Variants in SCARB1 observed in about 807,000 individuals in gnomAD.
SCARB1 encodes CD36 and LIMPII analogous 1.
In SCARB1, 30 loss-of-function variants were observed where a neutral mutation model predicts 57.2. The ratio of observed to expected loss-of-function variants is 0.52; its 90% CI spans 0.39 to 0.71. The LOEUF (loss-of-function observed/expected upper bound fraction) is 0.71, where lower values mean the gene tolerates loss of function less well. Among genes scored for constraint, SCARB1 ranks in the 30% least tolerant of loss-of-function variants. The pLI is 0.00. For missense variants in SCARB1, 543 were observed against 671.2 expected (o/e 0.81, Z 2.11); for synonymous variants, 249 against 268.3 (o/e 0.93, Z 0.70).
At chr12:124,831,386 G>A (rs1419295882) in intron 1 of SCARB1, among the ~76,000 whole-genome samples, 1 of 152,136 alleles carries the variant, frequency 6.6e-6, no homozygotes, top group Non-Finnish European at 1.5e-5. Flanking sequence ...CAAAGTGCTG[G>A]GATTACAGAC....
intron 1 of SCARB1, among the ~76,000 whole-genome samples, chr12:124,826,291 A>G (rs1255596881): frequency 1.4e-5 from 2 of 147,126 alleles, no homozygotes; most frequent in Non-Finnish European, 3.0e-5. Context: ...TGATCACCCC[A>G]CTGCACTCTA....
chr12:124,803,531 C>G (rs1950208635), intron 7 of SCARB1, among the ~76,000 whole-genome samples: 1 of 152,022 alleles, frequency 6.6e-6, no homozygotes, highest in Non-Finnish European at 1.5e-5. Context: ...GATGGCACCA[C>G]TGCACTCCAG....
At chr12:124,860,985 T>C (rs1334023707) in intron 1 of SCARB1, among the ~76,000 whole-genome samples, 1 of 152,180 alleles carries the variant, frequency 6.6e-6, no homozygotes, top group East Asian at 1.9e-4. Context: ...AGGCTCCTGG[T>C]ACACAGAAAA....
At position 124,820,159 on chromosome 12, in the gene SCARB1, C is replaced by T. The variant is rs572993838; in HGVS notation, c.127-2452G>A. ...AGCAGCCCATAGGTGCAAACGAAGG[C>T]GCATAAACTGAATATTAATGAGGTA... On this transcript the variant is annotated intron_variant, in intron 1 of 12. Coordinates refer to ENST00000261693, the MANE Select transcript of SCARB1 (RefSeq NM_005505.5). Among the ~76,000 whole-genome samples, 8 of 152,204 alleles carry T rather than the reference C, an allele frequency of 5.3e-5. No homozygotes were observed. In the South Asian group the frequency reaches 1.0e-3, roughly 20 times the overall value.
chr12:124,842,340 G>A (rs994172416), intron 1 of SCARB1, among the ~76,000 whole-genome samples: 1 of 152,196 alleles, frequency 6.6e-6, no homozygotes, highest in Non-Finnish European at 1.5e-5. Flanking sequence ...GAAAGCCCCA[G>A]GAAAGCTGGA....
At chr12:124,802,841 A>G (rs990840889) in intron 7 of SCARB1, among the ~76,000 whole-genome samples, 1 of 152,170 alleles carries the variant, frequency 6.6e-6, no homozygotes, top group Non-Finnish European at 1.5e-5. Context: ...AGTCCAACAG[A>G]TTTCAAGGCC....
chr12:124,854,745 G>A (rs1952563402), intron 1 of SCARB1, among the ~76,000 whole-genome samples: 3 of 152,134 alleles, frequency 2.0e-5, no homozygotes, highest in Non-Finnish European at 4.4e-5. Context: ...ACTGGAAGAT[G>A]GGGGGGCTAT....
Position 124,814,906 on chromosome 12 carries a change from C to A in SCARB1, c.426+67G>T, listed in dbSNP as rs1950645509. Reference sequence around the variant, plus strand: ...CAGGGACTGCTCTCTGCACAAGGGGCAGGCGGGAGGAGAGACAGGGGACGA... The same window carrying A: ...CAGGGACTGCTCTCTGCACAAGGGGAAGGCGGGAGGAGAGACAGGGGACGA... On this transcript the variant is annotated intron_variant, in intron 3 of 12. Coordinates refer to ENST00000261693, the MANE Select transcript of SCARB1 (RefSeq NM_005505.5). The surrounding 1 kb of genome is among the most constrained non-coding windows in gnomAD (Gnocchi z 4.7). 8 of 1,601,834 alleles carry A rather than the reference C, an allele frequency of 5.0e-6. No homozygotes were observed. In the South Asian group the frequency reaches 8.9e-5, roughly 18 times the overall value.
In SCARB1 at chr12:124,807,260, T is replaced by C. The variant is rs77686401; in HGVS notation, c.1009+501A>G. Among the ~76,000 whole-genome samples, 1,470 of 152,082 alleles carry C rather than the reference T, an allele frequency of 9.7e-3. 18 individuals carry two copies. Among genetic ancestry groups the C allele is most frequent in the South Asian group, 0.049 (234 of 4,816 alleles). ...TCCTGGGGTATCCAGGAGAGCACGA[T>C]GTGGTCTTAAGGGTCCTTAGAACTG... On this transcript the variant is annotated intron_variant, in intron 7 of 12. Coordinates refer to ENST00000261693, the MANE Select transcript of SCARB1 (RefSeq NM_005505.5). The surrounding 1 kb of genome is among the most constrained non-coding windows in gnomAD (Gnocchi z 5.3).
At chr12:124,842,153 G>T (rs1189669838) in intron 1 of SCARB1, among the ~76,000 whole-genome samples, 1 of 152,208 alleles carries the variant, frequency 6.6e-6, no homozygotes, top group Non-Finnish European at 1.5e-5. Flanking sequence ...TTGTAAATGT[G>T]CCCAAACAGC....
Position 124,828,195 on chromosome 12 carries a change from T to G in SCARB1, c.127-10488A>C, listed in dbSNP as rs117980580. Among the ~76,000 whole-genome samples, 115 of 152,064 alleles carry G rather than the reference T, an allele frequency of 7.6e-4. 1 individual carries two copies. In the East Asian group the frequency reaches 0.021, roughly 28 times the overall value. On this transcript the variant is annotated intron_variant, in intron 1 of 12. Transcript: ENST00000261693. ...GGGCAACAACTCGGTAAATGTGTGA[T>G]GGATGAGATGAAGATTTCATAGACA...
At position 124,804,177 on chromosome 12, in the gene SCARB1, T is replaced by C. The variant is rs188358323; in HGVS notation, c.1009+3584A>G. Among the ~76,000 whole-genome samples, 11 of 152,290 alleles carry C rather than the reference T, an allele frequency of 7.2e-5. No individual in the cohort carries two copies. In the East Asian group the frequency reaches 2.1e-3, roughly 29 times the overall value. Reference sequence around the variant, plus strand: ...GCATAGTCCACCTCGGCTACTGTGATTGGTTTACAGCTGGGCATGGGAGCC... The same window carrying C: ...GCATAGTCCACCTCGGCTACTGTGACTGGTTTACAGCTGGGCATGGGAGCC... On this transcript the variant is annotated intron_variant, in intron 7 of 12. Transcript: ENST00000261693.
chr12:124,841,121 C>G (rs1951889448), intron 1 of SCARB1, among the ~76,000 whole-genome samples: 1 of 152,210 alleles, frequency 6.6e-6, no homozygotes, highest in African/African-American at 2.4e-5. Flanking sequence ...CCTGTAATCC[C>G]AGCACTTTGG....
chr12:124,827,379 T>C (rs922931616), intron 1 of SCARB1, among the ~76,000 whole-genome samples: 9 of 152,054 alleles, frequency 5.9e-5, no homozygotes, highest in Admixed American at 3.9e-4. Context: ...GTCTGGAATT[T>C]ACAGATAACA....
rs902350054 is a variant in SCARB1, at chr12:124,810,535, T to A, written c.727-246A>T. Among the ~76,000 whole-genome samples the A allele has an allele frequency of 1.3e-5, 2 of 152,148 alleles. No homozygotes were observed. Among genetic ancestry groups the A allele is most frequent in the Non-Finnish European group, 2.9e-5 (2 of 68,034 alleles). On this transcript the variant is annotated intron_variant, in intron 5 of 12. Transcript: ENST00000261693. This position sits in a 1 kb window ranked among gnomAD's most constrained non-coding sequence, Gnocchi z 4.0. ...AGTTCTTTCATCTGCAAAATAGGCC[T>A]ATCACCCACATTTCCAGCCTGAATC...
chr12:124,809,689 G>C (rs924870153), intron 6 of SCARB1, among the ~76,000 whole-genome samples: 1 of 152,146 alleles, frequency 6.6e-6, no homozygotes, highest in African/African-American at 2.4e-5. Context: ...TTTCCAGAGT[G>C]ACCAGAATGG....
At position 124,796,399 on chromosome 12, in the gene SCARB1, G is replaced by T. The variant is rs914392021; in HGVS notation, c.1129-1131C>A. 6.6e-6 allele frequency among the ~76,000 whole-genome samples: 1 copy of T among 151,612 alleles called. No homozygotes were observed. The highest frequency in any genetic ancestry group is 1.5e-5 in the Non-Finnish European group (1 of 67,976). On this transcript the variant is annotated intron_variant, in intron 8 of 12. Coordinates refer to ENST00000261693, the MANE Select transcript of SCARB1 (RefSeq NM_005505.5). This position sits in a 1 kb window ranked among gnomAD's most constrained non-coding sequence, Gnocchi z 4.0. Reference sequence around the variant, plus strand: ...GCCACTATACCCAGCTCTTTTTAACGAGACTTTTTTTTTTAAGTAAATAAC... The same window carrying T: ...GCCACTATACCCAGCTCTTTTTAACTAGACTTTTTTTTTTAAGTAAATAAC...
intron 7 of SCARB1, among the ~76,000 whole-genome samples, chr12:124,807,000 A>T (rs1950346690): frequency 6.6e-6 from 1 of 152,052 alleles, no homozygotes; most frequent in African/African-American, 2.4e-5. Flanking sequence ...GGAGTTCAAG[A>T]CCAGCCTGGG....
intron 12 of SCARB1, among the ~76,000 whole-genome samples, chr12:124,779,275 C>T (rs547474998): frequency 1.6e-4 from 25 of 152,268 alleles, no homozygotes; most frequent in African/African-American, 5.5e-4. Flanking sequence ...TGTCACAGGA[C>T]GGTATTCAGC....
Sources: gnomAD v4.1 joint callset for allele counts (sites outside exome capture counted in the v4.1 genomes callset) on GRCh38, gnomAD v4.1.1 for gene constraint, Gnocchi (gnomAD v3.1) non-coding constraint, MANE v1.5 for transcripts, NCBI Gene and HGNC (gene_info 2026-07-23, HGNC 2026-07-21) for gene names.